Variants in USP46 observed in about 807,000 individuals in gnomAD.
The protein encoded by USP46 is ubiquitin carboxyl-terminal hydrolase 46.
In USP46, 12 loss-of-function variants were observed where a neutral mutation model predicts 44.4. The ratio of observed to expected loss-of-function variants is 0.27; its 90% CI spans 0.17 to 0.44. The LOEUF (loss-of-function observed/expected upper bound fraction) is 0.44, where lower values mean the gene tolerates loss of function less well. USP46 is among the 20% of genes least tolerant of loss of function. The pLI is 1.00. For synonymous variants in USP46, 155 were observed against 161.5 expected, an observed-to-expected ratio of 0.96 and a Z score of 0.31; for missense variants, 248 against 444.8, an observed-to-expected ratio of 0.56 and a Z score of 3.98.
At chr4:52,623,522 TC>T (rs777401589) in intron 4 of USP46, among the ~76,000 whole-genome samples, 1 of 152,100 alleles carries the variant, frequency 6.6e-6, no homozygotes, top group Admixed American at 6.5e-5. Flanking sequence ...TAGAGCAACC[TC>T]TAAATGAATT....
chr4:52,653,518 A>AG (rs1718844232), intron 1 of USP46, among the ~76,000 whole-genome samples: 1 of 151,426 alleles, frequency 6.6e-6, no homozygotes, highest in Admixed American at 6.6e-5. Flanking sequence ...AAAAAAAAAA[A>AG]AGATTTTGCT....
intron 1 of USP46, among the ~76,000 whole-genome samples, chr4:52,653,065 T>C (rs928696050): frequency 2.6e-5 from 4 of 152,074 alleles, no homozygotes; most frequent in Non-Finnish European, 5.9e-5. Flanking sequence ...AAACTATCCA[T>C]TGCAAAGAAT....
At chr4:52,613,445 C>T (rs768590371) in intron 4 of USP46, among the ~76,000 whole-genome samples, 6 of 152,196 alleles carry the variant, frequency 3.9e-5, no homozygotes, top group African/African-American at 7.2e-5. Context: ...AGAATCCGGC[C>T]GGGTGTGGTG....
At chr4:52,631,419 TGAACAAACAATCGCCAA>T (rs1717821789) in intron 1 of USP46, among the ~76,000 whole-genome samples, 1 of 152,184 alleles carries the variant, frequency 6.6e-6, no homozygotes, top group African/African-American at 2.4e-5. Flanking sequence ...GACAGGCAAA[TGAACAAACAATCGCCAA>T]GAACTTCTGA....
At chr4:52,602,186 G>T in intron 6 of USP46, 132 bp from the exon 7 acceptor site, 2 of 1,023,784 alleles carry the variant, frequency 2.0e-6, no homozygotes, top group South Asian at 3.5e-5. Flanking sequence ...CAAACAGTTT[G>T]CAAGGATAAA....
At position 52,604,611 on chromosome 4, in the gene USP46, A is replaced by T. The variant is rs1716606647; in HGVS notation, c.639-27T>A. The T allele has an allele frequency of 2.0e-6, 3 of 1,508,242 alleles. No homozygotes were observed. In the African/African-American group the frequency reaches 4.2e-5, roughly 21 times the overall value. The allele number at this position is 1,508,242 out of a possible 1,614,324, so 93.4% of individuals were successfully genotyped here. On this transcript the variant is annotated intron_variant, in intron 5 of 8. Coordinates refer to ENST00000441222, the MANE Select transcript of USP46 (RefSeq NM_022832.4). ...TGTAGAGGAAAATATTTCCATCTTT[A>T]AAAAATGTCCAAATCTACTTGGTAT...
chr4:52,632,944 G>GAAAGAAAGAAAGAAAAGA (rs1560405840), intron 1 of USP46, among the ~76,000 whole-genome samples: 1 of 62,926 alleles, frequency 1.6e-5, no homozygotes, highest in Non-Finnish European at 2.9e-5. Context: ...AAGAAAGAAA[G>GAAAGAAAGAAAGAAAAGA]AAAGAAAGAA....
In USP46 at chr4:52,592,654, T is replaced by C; in HGVS notation, c.*4986A>G. On this transcript the variant is annotated 3_prime_UTR_variant, in exon 9 of 9. Coordinates refer to ENST00000441222, the MANE Select transcript of USP46 (RefSeq NM_022832.4). ...AGGAGTTCCAGACCAGCTTGGCCAATATGAGAAAACTTTGTATCTACTGAA... is the reference window on the plus strand; with the variant it reads ...AGGAGTTCCAGACCAGCTTGGCCAACATGAGAAAACTTTGTATCTACTGAA... 1 of 359,566 alleles carries C rather than the reference T, an allele frequency of 2.8e-6. No individual in the cohort carries two copies. Among genetic ancestry groups the C allele is most frequent in the Non-Finnish European group, 4.9e-6 (1 of 202,244 alleles). The allele number at this position is 359,566 out of a possible 1,614,324, so 22.3% of individuals were successfully genotyped here. A position where few individuals can be genotyped will look rare whatever the true frequency, so the allele number is the denominator to read the frequency against.
At chr4:52,635,885 G>GT (rs1302367131) in intron 1 of USP46, among the ~76,000 whole-genome samples, 1 of 152,226 alleles carries the variant, frequency 6.6e-6, no homozygotes, top group Non-Finnish European at 1.5e-5. Flanking sequence ...GTGGGGAGAA[G>GT]TGGGGGTGGA....
Position 52,594,610 on chromosome 4 carries a change from G to A in USP46, c.*3030C>T, listed in dbSNP as rs1716153734. On this transcript the variant is annotated 3_prime_UTR_variant, in exon 9 of 9. Coordinates refer to ENST00000441222, the MANE Select transcript of USP46 (RefSeq NM_022832.4). ...TATACAAAGTTGATCAAAATGCAAT[G>A]TTGAAAGATAAAATCCATCTGTAAT... 1 of 152,160 alleles carries A rather than the reference G, an allele frequency of 6.6e-6. No individual in the cohort carries two copies. Among genetic ancestry groups the A allele is most frequent in the Non-Finnish European group, 1.5e-5 (1 of 68,040 alleles). 9.4% of individuals were successfully genotyped at this position (152,160 alleles called of 1,614,324 possible).
intron 1 of USP46, among the ~76,000 whole-genome samples, chr4:52,650,041 T>C (rs1718695148): frequency 6.6e-6 from 1 of 152,200 alleles, no homozygotes. Flanking sequence ...GAGAGCAATT[T>C]GACACACCTA....
chr4:52,599,691 A>G (rs1421438087), intron 7 of USP46, among the ~76,000 whole-genome samples: 7 of 152,202 alleles, frequency 4.6e-5, no homozygotes, highest in Non-Finnish European at 7.3e-5. Flanking sequence ...GGAGATTTCA[A>G]TCCTAAACCT....
In USP46 at chr4:52,601,897, G is replaced by A; in HGVS notation, c.880C>T (p.Arg294Cys). 2 of 1,613,938 alleles carry A rather than the reference G, an allele frequency of 1.2e-6. No individual in the cohort carries two copies. Among genetic ancestry groups the A allele is most frequent in the Non-Finnish European group, 1.7e-6 (2 of 1,179,876 alleles). ...NTSSDAVNLDRMYDLVAVVVH... is the reference protein window; with the variant it reads ...NTSSDAVNLDCMYDLVAVVVH... Reference sequence around the variant, plus strand: ...ACCACCGCAACCAAGTCATACATGCGGTCCAGGTTCACTGCATCACTGGAG... The same window carrying A: ...ACCACCGCAACCAAGTCATACATGCAGTCCAGGTTCACTGCATCACTGGAG... The change falls in exon 7 of 9, where the codon CGC becomes TGC. Residue 294 changes from arginine (R) to cysteine (C), a missense_variant. Physicochemically the swap from Arg to Cys is radical, Grantham distance 180. Coordinates refer to ENST00000441222, the MANE Select transcript of USP46 (RefSeq NM_022832.4).
intron 6 of USP46, among the ~76,000 whole-genome samples, chr4:52,603,273 G>A (rs1716548640): frequency 6.6e-6 from 1 of 152,186 alleles, no homozygotes; most frequent in Non-Finnish European, 1.5e-5. Context: ...ATAAGGATGG[G>A]GGACAGACAT....
chr4:52,604,705 A>G, intron 5 of USP46, 121 bp from the exon 6 acceptor site: 2 of 672,710 alleles, frequency 3.0e-6, no homozygotes, highest in Non-Finnish European at 4.7e-6. Flanking sequence ...AGAAGTAATC[A>G]GAAAAAAATC....
chr4:52,621,839 G>T (rs1309297647), intron 4 of USP46, among the ~76,000 whole-genome samples: 1 of 152,146 alleles, frequency 6.6e-6, no homozygotes, highest in African/African-American at 2.4e-5. Flanking sequence ...TAGCAGCACT[G>T]TCTACAAGCC....
chr4:52,597,129 T>A lies in USP46; in HGVS notation c.*511A>T, dbSNP rs1333212757. 6.5e-6 allele frequency: 1 copy of A among 153,448 alleles called. No individual in the cohort carries two copies. The highest frequency in any genetic ancestry group is 2.4e-5 in the African/African-American group (1 of 41,452). 9.5% of individuals were successfully genotyped at this position (153,448 alleles called of 1,614,324 possible). ...GTTACTCACTTTTCAACATTTTCAC[T>A]TGCACAAACTTAAAGCTATACTTGC... On this transcript the variant is annotated 3_prime_UTR_variant, in exon 9 of 9. Coordinates refer to ENST00000441222, the MANE Select transcript of USP46 (RefSeq NM_022832.4).
At chr4:52,632,990 A>AAAAGAAAAAGAAAGAAAGAAAG (rs1717961084) in intron 1 of USP46, among the ~76,000 whole-genome samples, 1 of 66,294 alleles carries the variant, frequency 1.5e-5, no homozygotes, top group Non-Finnish European at 3.0e-5. Context: ...GAAAGAAAAG[A>AAAAGAAAAAGAAAGAAAGAAAG]AAAGAAAGAA....
chr4:52,626,912 A>G (rs1282058622), intron 3 of USP46, among the ~76,000 whole-genome samples: 1 of 152,210 alleles, frequency 6.6e-6, no homozygotes, highest in Non-Finnish European at 1.5e-5. Context: ...TTAATTATTC[A>G]TTGGGTAATT....
Sources: allele counts gnomAD v4.1 joint callset (sites outside exome capture counted in the v4.1 genomes callset), GRCh38; gene constraint gnomAD v4.1.1; transcripts MANE v1.5; gene names NCBI Gene and HGNC (gene_info 2026-07-23, HGNC 2026-07-21).